TENM3: variants seen among roughly 807,000 people sequenced by gnomAD.
TENM3 encodes the protein teneurin-3.
TENM3 carries 63 observed loss-of-function variants against 255.1 expected under a neutral mutation model. That is an observed-to-expected ratio of 0.25 (90% CI 0.20 to 0.30). TENM3 has a LOEUF of 0.30. TENM3 is among the 10% of genes least tolerant of loss of function. The probability of loss-of-function intolerance (pLI) is 1.00; values close to 1 mark genes in which losing one functional copy is unlikely to be tolerated. For missense variants in TENM3, 2,929 were observed against 3,461.1 expected (o/e 0.85, Z 3.86); for synonymous variants, 1,306 against 1,322.3 (o/e 0.99, Z 0.27).
intron 3 of TENM3, among the ~76,000 whole-genome samples, chr4:182,468,036 CTT>C (rs1376421192): frequency 2.0e-5 from 3 of 152,162 alleles, no homozygotes; most frequent in Admixed American, 1.3e-4. Flanking sequence ...ACCTATGAAA[CTT>C]AAATTCATAA....
At chr4:182,373,718 A>G (rs1301722293) in intron 3 of TENM3, among the ~76,000 whole-genome samples, 1 of 152,138 alleles carries the variant, frequency 6.6e-6, no homozygotes, top group African/African-American at 2.4e-5. Context: ...TCCGAACTAT[A>G]TCAGCCTCTG....
chr4:182,231,378 C>A (rs971783011), intron 1 of TENM3, among the ~76,000 whole-genome samples: 1 of 152,048 alleles, frequency 6.6e-6, no homozygotes, highest in Non-Finnish European at 1.5e-5. Context: ...AAAAGGAACG[C>A]GTAGAGGTAT....
chr4:181,545,746 A>G, the TENM3 span, among the ~76,000 whole-genome samples: 1 of 152,254 alleles, frequency 6.6e-6, no homozygotes, highest in Non-Finnish European at 1.5e-5. Flanking sequence ...ACATTACAGC[A>G]GAATAACAAT....
the TENM3 span, among the ~76,000 whole-genome samples, chr4:181,990,959 G>A: frequency 0.15 from 23,226 of 151,878 alleles, 2,065 homozygotes; most frequent in Non-Finnish European, 0.19. Context: ...GATTCCATGT[G>A]GTCAAAGCAC....
At chr4:182,609,274 TGTTTTTCTCTGG>T (rs1254170770) in intron 4 of TENM3, among the ~76,000 whole-genome samples, 1 of 152,244 alleles carries the variant, frequency 6.6e-6, no homozygotes. Context: ...TTTAAAACTG[TGTTTTTCTCTGG>T]AATTTCATTC....
At chr4:181,538,174 A>T in the TENM3 span, among the ~76,000 whole-genome samples, 1 of 151,198 alleles carries the variant, frequency 6.6e-6, no homozygotes, top group Non-Finnish European at 1.5e-5. Flanking sequence ...TTCAAATGTT[A>T]AAAATGCACT....
At chr4:181,907,599 G>A in the TENM3 span, among the ~76,000 whole-genome samples, 52 of 152,106 alleles carry the variant, frequency 3.4e-4, 1 homozygote, top group Non-Finnish European at 1.6e-4. Context: ...AGGGAAGAGG[G>A]AGAGAAGGTG....
At chr4:181,750,474 G>A in the TENM3 span, among the ~76,000 whole-genome samples, 1 of 152,078 alleles carries the variant, frequency 6.6e-6, no homozygotes. Flanking sequence ...AGCTGAACTA[G>A]GCAGAGTTAA....
the TENM3 span, among the ~76,000 whole-genome samples, chr4:181,865,859 C>A: frequency 6.6e-6 from 1 of 152,060 alleles, no homozygotes; most frequent in Non-Finnish European, 1.5e-5. Context: ...TGGAAAAAAT[C>A]TCAGAATATA....
At chr4:181,916,881 CA>C in the TENM3 span, among the ~76,000 whole-genome samples, 35 of 151,478 alleles carry the variant, frequency 2.3e-4, no homozygotes, top group East Asian at 5.8e-3. Context: ...TAAAAACAAA[CA>C]AACAAAAAAA....
chr4:182,159,596 C>A (rs1016870916), intron 1 of TENM3, among the ~76,000 whole-genome samples: 2 of 152,104 alleles, frequency 1.3e-5, no homozygotes, highest in African/African-American at 4.8e-5. Context: ...TGTATTTGGC[C>A]TGTCACCTAG....
In TENM3 at chr4:182,592,740, A is replaced by G. The variant is rs144322610; in HGVS notation, c.512-8184A>G. 2.8e-3 allele frequency among the ~76,000 whole-genome samples: 422 copies of G among 152,316 alleles called. 1 individual carries two copies. The highest frequency in any genetic ancestry group is 9.4e-3 in the African/African-American group (389 of 41,578). On this transcript the variant is annotated intron_variant, in intron 3 of 27. Coordinates refer to ENST00000511685, the MANE Select transcript of TENM3 (RefSeq NM_001080477.4). ...AAAAAAAATCATATGATAGTAAAAT[A>G]TACAAAAACAAAAAGTTTTATACAA...
At chr4:182,595,157 A>G (rs1448841523) in intron 3 of TENM3, among the ~76,000 whole-genome samples, 3 of 152,150 alleles carry the variant, frequency 2.0e-5, no homozygotes, top group Non-Finnish European at 2.9e-5. Context: ...TAAATATGCC[A>G]TATTCATTGT....
chr4:181,586,431 C>T, the TENM3 span, among the ~76,000 whole-genome samples: 1 of 151,958 alleles, frequency 6.6e-6, no homozygotes, highest in East Asian at 1.9e-4. Flanking sequence ...ACAATGAGTC[C>T]AAGGAAAGCA....
chr4:182,457,441 A>G (rs969570803), intron 3 of TENM3, among the ~76,000 whole-genome samples: 2 of 151,856 alleles, frequency 1.3e-5, no homozygotes, highest in African/African-American at 2.4e-5. Flanking sequence ...AACTCATGAA[A>G]TTAAATACTT....
At chr4:182,208,978 T>G (rs1158594721) in intron 1 of TENM3, among the ~76,000 whole-genome samples, 1 of 151,926 alleles carries the variant, frequency 6.6e-6, no homozygotes, top group African/African-American at 2.4e-5. Context: ...TTTTGTTTTT[T>G]TTTTTTTGAG....
intron 3 of TENM3, among the ~76,000 whole-genome samples, chr4:182,433,026 G>A (rs1209332877): frequency 1.3e-5 from 2 of 152,122 alleles, no homozygotes; most frequent in Non-Finnish European, 2.9e-5. Flanking sequence ...AGGTGTTTCT[G>A]AATGCAGTGT....
intron 1 of TENM3, among the ~76,000 whole-genome samples, chr4:182,263,995 G>A (rs1759061333): frequency 6.6e-6 from 1 of 152,182 alleles, no homozygotes; most frequent in Non-Finnish European, 1.5e-5. Context: ...CCGCAAGCCG[G>A]ATCACTAGGG....
the TENM3 span, among the ~76,000 whole-genome samples, chr4:182,019,577 G>A: frequency 0.28 from 41,861 of 152,074 alleles, 6,314 homozygotes; most frequent in Admixed American, 0.36. Context: ...AAAGTAGTAC[G>A]TAAACATCAA....
Sources: gnomAD v4.1 joint callset for allele counts (sites outside exome capture counted in the v4.1 genomes callset) on GRCh38, gnomAD v4.1.1 for gene constraint, MANE v1.5 for transcripts, NCBI Gene and HGNC (gene_info 2026-07-23, HGNC 2026-07-21) for gene names.